The following SNTG1 variants were observed in gnomAD, a reference collection of about 807,000 sequenced individuals.
SNTG1 encodes syntrophin gamma 1.
A neutral mutation model predicts 74.7 loss-of-function variants in SNTG1; 39 were observed. That is an observed-to-expected ratio of 0.52 (90% confidence interval 0.40 to 0.68). The LOEUF (loss-of-function observed/expected upper bound fraction) is 0.68, where lower values mean the gene tolerates loss of function less well. Among genes scored for constraint, SNTG1 ranks in the 30% least tolerant of loss-of-function variants. The pLI, the probability that SNTG1 is intolerant of heterozygous loss-of-function variation, is 0.00. For missense variants in SNTG1, 685 were observed against 609.5 expected, an observed-to-expected ratio of 1.12 and a Z score of -1.30; for synonymous variants, 254 against 217.1, an observed-to-expected ratio of 1.17 and a Z score of -1.49.
intron 4 of SNTG1, among the ~76,000 whole-genome samples, chr8:50,421,187 C>A (rs1178383590): frequency 1.3e-5 from 2 of 151,706 alleles, no homozygotes; most frequent in South Asian, 4.2e-4. Context: ...TAGATCTCCA[C>A]AAGAAAGAAT....
At chr8:50,338,957 A>G (rs1043279500) in intron 2 of SNTG1, among the ~76,000 whole-genome samples, 1 of 152,156 alleles carries the variant, frequency 6.6e-6, no homozygotes, top group Non-Finnish European at 1.5e-5. Context: ...AACAGAATAT[A>G]CAGAAACTAA....
At chr8:50,677,195 T>C (rs757633904) in intron 15 of SNTG1, among the ~76,000 whole-genome samples, 6 of 151,992 alleles carry the variant, frequency 3.9e-5, no homozygotes, top group Non-Finnish European at 7.4e-5. Context: ...TGGAAAAGCA[T>C]AGCTGTTTTA....
rs371352019 is a variant in SNTG1, at chr8:50,248,308, C to T, written c.-28+75673C>T. Among the ~76,000 whole-genome samples the T allele has an allele frequency of 1.2e-4, 19 of 152,200 alleles. 1 individual carries two copies. The highest frequency in any genetic ancestry group is 4.6e-4 in the African/African-American group (19 of 41,530). On this transcript the variant is annotated intron_variant, in intron 2 of 18. Transcript: ENST00000642720. Reference sequence around the variant, plus strand: ...ACCTCCTTATTTGATAACTATAAAGCCTTCTTGACTTGTCAAATAAAAGTG... The same window carrying T: ...ACCTCCTTATTTGATAACTATAAAGTCTTCTTGACTTGTCAAATAAAAGTG...
rs1397474960 is a variant in SNTG1 at position 50,747,155 on chromosome 8, T to C, written c.1285-4846T>C. Among the ~76,000 whole-genome samples the C allele has an allele frequency of 3.9e-5, 6 of 151,924 alleles. No homozygotes were observed. The South Asian group carries it at 1.0e-3, about 26-fold the overall frequency. On this transcript the variant is annotated intron_variant, in intron 17 of 18. Transcript: ENST00000642720. ...AGCTCCAGATTAACACCCCCTCAGG[T>C]ATTCTTGGAGCTACAAATCTGGAAA...
chr8:49,924,358 T>A (rs368483134), intron 1 of SNTG1, among the ~76,000 whole-genome samples: 2 of 152,204 alleles, frequency 1.3e-5, no homozygotes, highest in African/African-American at 4.8e-5. Flanking sequence ...AATTTCAATG[T>A]CAGGTGGTCA....
chr8:49,925,432 C>CTG (rs969083342), intron 1 of SNTG1, among the ~76,000 whole-genome samples: 132 of 151,030 alleles, frequency 8.7e-4, no homozygotes, highest in African/African-American at 3.1e-3. Context: ...ACTAATTTGC[C>CTG]TGTGTGTGTG....
At chr8:50,304,990 C>T (rs1158626281) in intron 2 of SNTG1, among the ~76,000 whole-genome samples, 1 of 152,064 alleles carries the variant, frequency 6.6e-6, no homozygotes, top group Non-Finnish European at 1.5e-5. Flanking sequence ...GCAACCTCCA[C>T]CTCCCAGGTT....
chr8:50,300,951 C>G (rs1032549854), intron 2 of SNTG1, among the ~76,000 whole-genome samples: 4 of 152,004 alleles, frequency 2.6e-5, no homozygotes, highest in Non-Finnish European at 5.9e-5. Context: ...ATTGTGGTCC[C>G]CTTGACTAGA....
chr8:50,197,268 T>G (rs1350921573), intron 2 of SNTG1, among the ~76,000 whole-genome samples: 1 of 152,212 alleles, frequency 6.6e-6, no homozygotes. Context: ...TATGTGTATG[T>G]GTGAATATGT....
chr8:50,353,317 A>T (rs760054515), intron 2 of SNTG1, among the ~76,000 whole-genome samples: 3 of 151,858 alleles, frequency 2.0e-5, no homozygotes, highest in African/African-American at 7.3e-5. Flanking sequence ...TGACGAGTTA[A>T]TGGGTGCAGC....
intron 17 of SNTG1, among the ~76,000 whole-genome samples, chr8:50,732,015 C>T (rs1215351085): frequency 6.6e-6 from 1 of 151,966 alleles, no homozygotes; most frequent in African/African-American, 2.4e-5. Flanking sequence ...TATTCATTAA[C>T]TTCTTTATAT....
rs184505956 is a variant in SNTG1 at position 50,103,973 on chromosome 8, T to C, written c.-102-68588T>C. Among the ~76,000 whole-genome samples, 27 of 152,324 alleles carry C rather than the reference T, an allele frequency of 1.8e-4. 1 individual carries two copies. The East Asian group carries it at 4.8e-3, about 27-fold the overall frequency. On this transcript the variant is annotated intron_variant, in intron 1 of 18. Transcript: ENST00000642720. ...CTGGATTTGGTTTGCCAGTATTTTA[T>C]TGAGGATTTTTGCATCAATGTTCAT... is the stretch of plus-strand genomic sequence containing the variant.
chr8:50,351,203 T>C (rs977653428), intron 2 of SNTG1, among the ~76,000 whole-genome samples: 2 of 152,198 alleles, frequency 1.3e-5, no homozygotes, highest in Admixed American at 6.5e-5. Context: ...TGTTCTCGTG[T>C]ATTCAGTAGA....
chr8:50,017,076 T>A lies in SNTG1; in HGVS notation c.-103+104845T>A, dbSNP rs539993280. Reference sequence around the variant, plus strand: ...GAGACTAATACAATTAATATTAAAGTGAATCTTTCAAACTGAAATGCAAGG... The same window carrying A: ...GAGACTAATACAATTAATATTAAAGAGAATCTTTCAAACTGAAATGCAAGG... On this transcript the variant is annotated intron_variant, in intron 1 of 18. Coordinates refer to ENST00000642720, the MANE Select transcript of SNTG1 (RefSeq NM_018967.5). Among the ~76,000 whole-genome samples the A allele has an allele frequency of 1.4e-4, 21 of 152,222 alleles. No homozygotes were observed. The South Asian group carries it at 3.1e-3, about 23-fold the overall frequency.
chr8:50,523,478 C>A (rs985317765), intron 9 of SNTG1, among the ~76,000 whole-genome samples: 6 of 152,058 alleles, frequency 3.9e-5, no homozygotes, highest in African/African-American at 1.4e-4. Flanking sequence ...CACTTAGAGG[C>A]CATTGTAGGG....
intron 2 of SNTG1, among the ~76,000 whole-genome samples, chr8:50,378,511 G>T (rs1487926149): frequency 1.3e-5 from 2 of 152,148 alleles, no homozygotes; most frequent in Non-Finnish European, 2.9e-5. Flanking sequence ...CTGTGACCAG[G>T]AAAAATGAGG....
chr8:50,128,507 C>T (rs1002651471), intron 1 of SNTG1, among the ~76,000 whole-genome samples: 1 of 152,120 alleles, frequency 6.6e-6, no homozygotes, highest in Admixed American at 6.6e-5. Flanking sequence ...TAAGTACTTA[C>T]ATTCTTTCAA....
In SNTG1 at chr8:50,481,121, G is replaced by C. The variant is rs191746433; in HGVS notation, c.364-21657G>C. ...GCACAGGCTGGGCGCGGTGGCTCAC[G>C]CCTGTAATCCCAGCACTTTGGGAAG... On this transcript the variant is annotated intron_variant, in intron 8 of 18. Coordinates refer to ENST00000642720, the MANE Select transcript of SNTG1 (RefSeq NM_018967.5). Among the ~76,000 whole-genome samples the C allele has an allele frequency of 5.3e-5, 8 of 152,196 alleles. 1 individual carries two copies. Among genetic ancestry groups the C allele is most frequent in the Non-Finnish European group, 1.2e-4 (8 of 68,034 alleles).
chr8:50,382,971 G>A (rs2092514103), intron 2 of SNTG1, among the ~76,000 whole-genome samples: 1 of 152,134 alleles, frequency 6.6e-6, no homozygotes, highest in Non-Finnish European at 1.5e-5. Context: ...GGGCCTTTCA[G>A]TGATTGCATG....
Sources: gnomAD v4.1 joint callset for allele counts (sites outside exome capture counted in the v4.1 genomes callset) on GRCh38, gnomAD v4.1.1 for gene constraint, MANE v1.5 for transcripts, NCBI Gene and HGNC (gene_info 2026-07-23, HGNC 2026-07-21) for gene names.